The following PID1 variants were observed in gnomAD, a reference collection of about 807,000 sequenced individuals.
PID1 encodes phosphotyrosine interaction domain containing 1.
PID1 carries 10 observed loss-of-function variants against 19.1 expected under a neutral mutation model. The observed-to-expected ratio is 0.52, with a 90% CI of 0.32 to 0.89. PID1 has a LOEUF of 0.89. Among genes scored for constraint, PID1 ranks in the 40% least tolerant of loss-of-function variants. The pLI is 0.03. For missense variants in PID1, 248 were observed against 285.3 expected (o/e 0.87, Z 0.94); for synonymous variants, 130 against 116.0 (o/e 1.12, Z -0.78).
intron 1 of PID1, among the ~76,000 whole-genome samples, chr2:229,219,106 C>T (rs1023303231): frequency 1.3e-5 from 2 of 152,182 alleles, no homozygotes; most frequent in Non-Finnish European, 2.9e-5. Flanking sequence ...CTGGGCAAGA[C>T]TCTACAAATT....
chr2:229,207,804 T>C (rs929743045), intron 1 of PID1, among the ~76,000 whole-genome samples: 3 of 152,058 alleles, frequency 2.0e-5, no homozygotes, highest in African/African-American at 7.2e-5. Context: ...CTCAGATGCC[T>C]TGAGCACAGT....
At chr2:229,138,555 A>G (rs1253736944) in intron 2 of PID1, among the ~76,000 whole-genome samples, 1 of 152,142 alleles carries the variant, frequency 6.6e-6, no homozygotes, top group Non-Finnish European at 1.5e-5. Flanking sequence ...TGTATAATGT[A>G]TATGTATAAG....
intron 1 of PID1, among the ~76,000 whole-genome samples, chr2:229,192,760 A>G (rs1056871039): frequency 1.3e-5 from 2 of 152,210 alleles, no homozygotes; most frequent in Non-Finnish European, 1.5e-5. Flanking sequence ...AGCACCTGAC[A>G]CAATGGCGTT....
chr2:229,142,086 G>GTCATATC (rs1690027286), intron 2 of PID1, among the ~76,000 whole-genome samples: 1 of 151,932 alleles, frequency 6.6e-6, no homozygotes, highest in Admixed American at 6.6e-5. Context: ...CCACTTTTTG[G>GTCATATC]TCATATCTTA....
intron 1 of PID1, among the ~76,000 whole-genome samples, chr2:229,266,349 T>C (rs1226642827): frequency 8.5e-5 from 13 of 152,158 alleles, no homozygotes; most frequent in Non-Finnish European, 1.8e-4. Flanking sequence ...CTAGTTTGGA[T>C]AAATGCTATG....
intron 1 of PID1, among the ~76,000 whole-genome samples, chr2:229,240,014 A>T (rs1689832202): frequency 6.6e-6 from 1 of 152,174 alleles, no homozygotes; most frequent in South Asian, 2.1e-4. Context: ...GGCAAGACTG[A>T]ACCATTAGGC....
chr2:229,105,713 A>G (rs1695163079), intron 2 of PID1, among the ~76,000 whole-genome samples: 1 of 152,224 alleles, frequency 6.6e-6, no homozygotes, highest in Non-Finnish European at 1.5e-5. Context: ...TATCCCAGTT[A>G]CAGATGAGGA....
chr2:229,131,321 C>G (rs1042062248), intron 2 of PID1, among the ~76,000 whole-genome samples: 1 of 151,882 alleles, frequency 6.6e-6, no homozygotes, highest in Non-Finnish European at 1.5e-5. Flanking sequence ...GCCTCCACCT[C>G]CCGGGTTCAA....
chr2:229,081,980 C>T (rs1381153787), intron 2 of PID1, among the ~76,000 whole-genome samples: 1 of 152,192 alleles, frequency 6.6e-6, no homozygotes, highest in East Asian at 1.9e-4. Flanking sequence ...GTCTCAGCAA[C>T]ACTTAAGTCA....
At chr2:229,221,749 T>G (rs556775039) in intron 1 of PID1, among the ~76,000 whole-genome samples, 20 of 152,166 alleles carry the variant, frequency 1.3e-4, no homozygotes, top group Admixed American at 1.3e-3. Flanking sequence ...AAACACAGGA[T>G]GCCTCTTGAT....
At chr2:229,211,134 G>C (rs1364219667) in intron 1 of PID1, among the ~76,000 whole-genome samples, 2 of 152,158 alleles carry the variant, frequency 1.3e-5, no homozygotes, top group African/African-American at 2.4e-5. Context: ...ATATATAAAA[G>C]AGATTATACA....
intron 2 of PID1, among the ~76,000 whole-genome samples, chr2:229,035,426 GTCTC>G (rs377183491): frequency 6.7e-6 from 1 of 150,170 alleles, no homozygotes; most frequent in African/African-American, 2.4e-5. Context: ...AGATATGTCT[GTCTC>G]TCTCTCTCTC....
At chr2:229,254,053 G>A (rs1690224272) in intron 1 of PID1, among the ~76,000 whole-genome samples, 1 of 152,010 alleles carries the variant, frequency 6.6e-6, no homozygotes, top group Non-Finnish European at 1.5e-5. Context: ...TTGTCTTTTT[G>A]TCACCCTGCT....
At chr2:229,130,217 G>A (rs976853357) in intron 2 of PID1, among the ~76,000 whole-genome samples, 1 of 152,170 alleles carries the variant, frequency 6.6e-6, no homozygotes, top group Non-Finnish European at 1.5e-5. Flanking sequence ...ATAAGGAGTT[G>A]TCTGGAGAGC....
At position 229,184,460 on chromosome 2, in the gene PID1, G is replaced by T. The variant is rs372010910; in HGVS notation, c.31-28496C>A. Among the ~76,000 whole-genome samples, 34 of 5,680 alleles carry T rather than the reference G, an allele frequency of 6.0e-3. 15 individuals are homozygous for T. Among genetic ancestry groups the T allele is most frequent in the African/African-American group, 0.015 (9 of 610 alleles). The allele number at this position is 5,680 out of a possible 152,430, so 3.7% of individuals were successfully genotyped here. A position where few individuals can be genotyped will look rare whatever the true frequency, so the allele number is the denominator to read the frequency against. The stretch of plus-strand genomic sequence containing the variant: ...TATATATATAGCCCGTATATATATA[G>T]CCCGTATATATATATCCCGTATATA... On this transcript the variant is annotated intron_variant, in intron 1 of 2. Coordinates refer to ENST00000392055, the MANE Select transcript of PID1 (RefSeq NM_001100818.2).
In PID1 at chr2:229,025,547, AT is replaced by A; in HGVS notation, c.*84del. 9.9e-7 allele frequency: 1 copy of A among 1,014,862 alleles called. No individual in the cohort carries two copies. Among genetic ancestry groups the A allele is most frequent in the Admixed American group, 2.2e-5 (1 of 45,890 alleles). The allele number at this position is 1,014,862 out of a possible 1,614,324, so 62.9% of individuals were successfully genotyped here. A position where few individuals can be genotyped will look rare whatever the true frequency, so the allele number is the denominator to read the frequency against. Reference sequence around the variant, plus strand: ...CAGCCAATAGTTTGGCAGTCTTTTCATCCCAAATTTGAAACGTTGCTTACTC... The same window carrying A: ...CAGCCAATAGTTTGGCAGTCTTTTCACCCAAATTTGAAACGTTGCTTACTC... On this transcript the variant is annotated 3_prime_UTR_variant, in exon 3 of 3. Coordinates refer to ENST00000392055, the MANE Select transcript of PID1 (RefSeq NM_001100818.2).
chr2:229,083,451 G>A (rs1694706408), intron 2 of PID1, among the ~76,000 whole-genome samples: 1 of 151,930 alleles, frequency 6.6e-6, no homozygotes, highest in South Asian at 2.1e-4. Flanking sequence ...CAGGGAAAAG[G>A]AGCCTCTGCC....
At chr2:229,163,972 T>C (rs1690548422) in intron 1 of PID1, among the ~76,000 whole-genome samples, 1 of 152,188 alleles carries the variant, frequency 6.6e-6, no homozygotes, top group Non-Finnish European at 1.5e-5. Context: ...GATACATACA[T>C]AGCTGAAATC....
chr2:229,174,837 C>G (rs1453182394), intron 1 of PID1, among the ~76,000 whole-genome samples: 1 of 152,110 alleles, frequency 6.6e-6, no homozygotes, highest in African/African-American at 2.4e-5. Flanking sequence ...CCAATTTGGC[C>G]TCTTGTAGAT....
Sources: allele counts gnomAD v4.1 joint callset (sites outside exome capture counted in the v4.1 genomes callset), GRCh38; gene constraint gnomAD v4.1.1; transcripts MANE v1.5; gene names NCBI Gene and HGNC (gene_info 2026-07-23, HGNC 2026-07-21).